Variants in DRC3 observed in about 807,000 individuals in gnomAD.
The protein encoded by DRC3 is dynein regulatory complex subunit 3.
A neutral mutation model predicts 57.6 loss-of-function variants in DRC3; 45 were observed. That is an observed-to-expected ratio of 0.78 (90% CI 0.62 to 1.00). DRC3 has a LOEUF of 1.00. Ranked by LOEUF, DRC3 falls within the 50% of genes least tolerant of loss-of-function variation. The probability of loss-of-function intolerance (pLI) is 0.00; values close to 1 mark genes in which losing one functional copy is unlikely to be tolerated. For synonymous variants in DRC3, 257 were observed against 272.3 expected (o/e 0.94, Z 0.55); for missense variants, 655 against 675.2 (o/e 0.97, Z 0.33).
At chr17:17,993,627 C>G (rs2043326906) in intron 6 of DRC3, 1 of 152,810 alleles carries the variant, frequency 6.5e-6, no homozygotes, top group Non-Finnish European at 1.5e-5. Flanking sequence ...GGAACCAGGC[C>G]ATCAGAGGCT....
intron 9 of DRC3, among the ~76,000 whole-genome samples, chr17:17,999,011 C>T (rs1025084266): frequency 2.6e-5 from 4 of 152,192 alleles, no homozygotes; most frequent in African/African-American, 7.2e-5. Context: ...TCTCCAGTCC[C>T]GCAGTCCCTG....
intron 5 of DRC3, among the ~76,000 whole-genome samples, chr17:17,991,505 C>T (rs1366125949): frequency 6.6e-6 from 1 of 151,470 alleles, no homozygotes; most frequent in Non-Finnish European, 1.5e-5. Context: ...ACCATGTTAG[C>T]CAGGATGGTC....
intron 12 of DRC3, among the ~76,000 whole-genome samples, chr17:18,012,331 C>A (rs561077518): frequency 1.3e-5 from 2 of 152,098 alleles, no homozygotes; most frequent in East Asian, 3.8e-4. Context: ...AACTAGATTC[C>A]CATCTCTCAC....
At chr17:17,999,724 C>CTAT (rs748271052) in intron 9 of DRC3, among the ~76,000 whole-genome samples, 4 of 152,240 alleles carry the variant, frequency 2.6e-5, no homozygotes, top group Non-Finnish European at 5.9e-5. Flanking sequence ...CAGAGATAAC[C>CTAT]ACCTTGAAGA....
chr17:17,978,396 C>T (rs1441483757), intron 3 of DRC3, among the ~76,000 whole-genome samples: 1 of 152,110 alleles, frequency 6.6e-6, no homozygotes, highest in Non-Finnish European at 1.5e-5. Flanking sequence ...CTGGCTCACA[C>T]AGCAAGCCAG....
chr17:18,010,152 A>T (rs1447065769), intron 12 of DRC3, among the ~76,000 whole-genome samples: 1 of 152,232 alleles, frequency 6.6e-6, no homozygotes, highest in Non-Finnish European at 1.5e-5. Flanking sequence ...CTGGACAGGG[A>T]GACTGCCACA....
At chr17:17,983,797 C>G in intron 3 of DRC3, 31 bp from the exon 4 acceptor site, 1 of 1,529,728 alleles carries the variant, frequency 6.5e-7, no homozygotes, top group Non-Finnish European at 9.0e-7. Context: ...TGACCCTAAC[C>G]TGAGACTGAA....
Position 17,995,066 on chromosome 17 carries a change from G to T in DRC3, c.779G>T (p.Gly260Val). Residue 260 changes from glycine (G) to valine (V), a missense_variant, in exon 8 of 14, where the codon GGC becomes GTC. Physicochemically the swap from Gly to Val is moderately radical, Grantham distance 109. Coordinates refer to ENST00000399187, the MANE Select transcript of DRC3 (RefSeq NM_031294.4). ...FDSMYAEDSE[G>V]NNLSYLPGVG... Reference sequence around the variant, plus strand: ...AGCATGTACGCTGAGGACTCAGAGGGCAACAATCTGTCCTACCTGCCTGGT... The same window carrying T: ...AGCATGTACGCTGAGGACTCAGAGGTCAACAATCTGTCCTACCTGCCTGGT... 2 of 1,613,930 alleles carry T rather than the reference G, an allele frequency of 1.2e-6. No individual in the cohort carries two copies. The highest frequency in any genetic ancestry group is 1.7e-6 in the Non-Finnish European group (2 of 1,179,826).
intron 7 of DRC3, 77 bp from the exon 8 acceptor site, chr17:17,994,922 C>T: frequency 1.1e-6 from 1 of 940,204 alleles, no homozygotes; most frequent in Non-Finnish European, 1.7e-6. Context: ...TCCTGACCTG[C>T]CTTCCTCATG....
At chr17:18,006,931 T>C in intron 11 of DRC3, 93 bp from the exon 12 acceptor site, 2 of 1,551,350 alleles carry the variant, frequency 1.3e-6, no homozygotes, top group Middle Eastern at 1.7e-4. Context: ...CGAGCTCGCC[T>C]TGGGCCCTTA....
intron 9 of DRC3, among the ~76,000 whole-genome samples, chr17:18,001,011 T>G (rs8068860): frequency 0.023 from 3,451 of 152,124 alleles, 112 homozygotes; most frequent in African/African-American, 0.07. Context: ...GCAATCCTCG[T>G]GCCTCAGCCT....
In DRC3 at chr17:17,997,483, T is replaced by G; in HGVS notation, c.848T>G (p.Ile283Ser). 6.2e-7 allele frequency: 1 copy of G among 1,613,406 alleles called. No homozygotes were observed. Among genetic ancestry groups the G allele is most frequent in the South Asian group, 1.1e-5 (1 of 90,878 alleles). ...LETYKDKFVI[I>S]CVNIFEYGLK... ...ACCTACAAGGACAAGTTTGTCATCATCTGCGTGAATATTTTTGAGTATGGC... is the reference window on the plus strand; with the variant it reads ...ACCTACAAGGACAAGTTTGTCATCAGCTGCGTGAATATTTTTGAGTATGGC... The change falls in exon 9 of 14, where the codon ATC (isoleucine) becomes AGC (serine). Residue 283 changes from isoleucine to serine, a missense_variant. Physicochemically the swap from Ile to Ser is moderately radical, Grantham distance 142 (BLOSUM62 -2). Transcript: ENST00000399187.
At chr17:17,997,405 T>C (rs895923046) in intron 8 of DRC3, 55 bp from the exon 9 acceptor site, 8 of 1,576,368 alleles carry the variant, frequency 5.1e-6, no homozygotes, top group Non-Finnish European at 6.9e-6. Flanking sequence ...ACCTTGGCCG[T>C]GCCCTCCGCA....
chr17:18,000,847 G>T (rs2043699419), intron 9 of DRC3, among the ~76,000 whole-genome samples: 1 of 151,924 alleles, frequency 6.6e-6, no homozygotes, highest in African/African-American at 2.4e-5. Context: ...CTTATATTTT[G>T]CCCTTGCCCA....
At chr17:17,980,587 G>A (rs1006565513) in intron 3 of DRC3, among the ~76,000 whole-genome samples, 5 of 140,232 alleles carry the variant, frequency 3.6e-5, no homozygotes, top group African/African-American at 8.1e-5. Context: ...GAGCCACTGC[G>A]CCCAGCATTT....
At position 17,978,580 on chromosome 17, in the gene DRC3, G is replaced by A. The variant is rs566669988; in HGVS notation, c.160+822G>A. Among the ~76,000 whole-genome samples the A allele has an allele frequency of 2.0e-5, 3 of 152,332 alleles. No individual in the cohort carries two copies. The South Asian group carries it at 6.2e-4, about 32-fold the overall frequency. On this transcript the variant is annotated intron_variant, in intron 3 of 13. Transcript: ENST00000399187. Reference sequence around the variant, plus strand: ...CTGGCCGGCATCCAGTCAACAACAAGGAGGTATTGAGACCCTGCCTCAGTC... The same window carrying A: ...CTGGCCGGCATCCAGTCAACAACAAAGAGGTATTGAGACCCTGCCTCAGTC...
chr17:17,978,825 C>T (rs915343566), intron 3 of DRC3, among the ~76,000 whole-genome samples: 1 of 152,194 alleles, frequency 6.6e-6, no homozygotes. Flanking sequence ...ACCTGAGGTT[C>T]ATGCAGCCAG....
chr17:17,984,002 A>G, intron 4 of DRC3, 58 bp downstream of exon 4: 3 of 1,111,540 alleles, frequency 2.7e-6, no homozygotes, highest in Non-Finnish European at 4.1e-6. Context: ...TGACAAGGTT[A>G]TTGCCTTCCC....
intron 3 of DRC3, 123 bp from the exon 4 acceptor site, chr17:17,983,705 G>T: frequency 1.5e-6 from 1 of 649,626 alleles, no homozygotes; most frequent in Non-Finnish European, 2.7e-6. Flanking sequence ...GGGTGCCTGC[G>T]TACTCCAGGG....
Sources: gnomAD v4.1 joint callset for allele counts (sites outside exome capture counted in the v4.1 genomes callset) on GRCh38, gnomAD v4.1.1 for gene constraint, MANE v1.5 for transcripts, NCBI Gene and HGNC (gene_info 2026-07-23, HGNC 2026-07-21) for gene names.